Variants in TSC2 observed in about 807,000 individuals in gnomAD.
The protein encoded by TSC2 is tuberin.
TSC2 carries 29 observed loss-of-function variants against 202.2 expected under a neutral mutation model. The observed-to-expected ratio is 0.14, with a 90% CI of 0.11 to 0.20. The LOEUF (loss-of-function observed/expected upper bound fraction) is 0.20, where lower values mean the gene tolerates loss of function less well. Among genes scored for constraint, TSC2 ranks in the 10% least tolerant of loss-of-function variants. TSC2 has a pLI of 1.00. For synonymous variants in TSC2, 1,349 were observed against 1,044.0 expected, an observed-to-expected ratio of 1.29 and a Z score of -5.63; for missense variants, 2,429 against 2,420.0, an observed-to-expected ratio of 1.00 and a Z score of -0.08.
At position 2,064,402 on chromosome 16, in the gene TSC2, A is replaced by G. The variant is rs45457694; in HGVS notation, c.1574A>G (p.Asn525Ser). The change falls in exon 15 of 42, where the codon AAC becomes AGC. Residue 525 changes from asparagine to serine, a missense_variant. Coordinates refer to ENST00000219476, the MANE Select transcript of TSC2 (RefSeq NM_000548.5). ...LAEGCHTHHFNSLLDIIEKVM... is the reference protein window; with the variant it reads ...LAEGCHTHHFSSLLDIIEKVM... ...GAGGGCTGCCACACACACCACTTCA[A>G]CAGCCTGCTGGACATCATCGAGAAG... 53 of 1,613,678 alleles carry G rather than the reference A, an allele frequency of 3.3e-5. No homozygotes were observed. The highest frequency in any genetic ancestry group is 4.0e-5 in the Non-Finnish European group (47 of 1,180,016).
chr16:2,061,039 G>C lies in TSC2; in HGVS notation c.1119+226G>C. On this transcript the variant is annotated intron_variant, in intron 11 of 41. Coordinates refer to ENST00000219476, the MANE Select transcript of TSC2 (RefSeq NM_000548.5). ...AGGCCCCAGACAGGAATATGCAGTA[G>C]GTGAGCCGGGGCTGGGCCAGTGCTG... 3 of 597,710 alleles carry C rather than the reference G, an allele frequency of 5.0e-6. No individual in the cohort carries two copies. The South Asian group carries it at 5.7e-5, about 11-fold the overall frequency. 37.0% of individuals were successfully genotyped at this position (597,710 alleles called of 1,614,324 possible).
Position 2,055,497 on chromosome 16 carries a change from G to C in TSC2, c.577G>C (p.Glu193Gln), listed in dbSNP as rs45517112. ...LVKFNSCYLDEYIARMVQMIC... is the reference protein window; with the variant it reads ...LVKFNSCYLDQYIARMVQMIC... The stretch of plus-strand genomic sequence containing the variant: ...CAAATTCAATAGCTGTTACCTCGAC[G>C]AGTACATCGCAAGGATGGTTCAGTA... The change falls in exon 6 of 42, where the codon GAG becomes CAG. Residue 193 changes from glutamate to glutamine, a missense_variant. By Grantham distance (29) the Glu-to-Gln change is conservative. Coordinates refer to ENST00000219476, the MANE Select transcript of TSC2 (RefSeq NM_000548.5). 1.2e-6 allele frequency: 2 copies of C among 1,614,138 alleles called. No homozygotes were observed. The highest frequency in any genetic ancestry group is 2.2e-5 in the South Asian group (2 of 91,086).
In TSC2 at chr16:2,058,710, C is replaced by A. The variant is rs771221462; in HGVS notation, c.849-37C>A. ...TCCATGGCGGACCCTGGGACAGGGC[C>A]CTGCTCACATTCCGTCTCTCTGGGG... On this transcript the variant is annotated intron_variant, in intron 9 of 41. Coordinates refer to ENST00000219476, the MANE Select transcript of TSC2 (RefSeq NM_000548.5). The A allele has an allele frequency of 2.4e-5, 38 of 1,559,482 alleles. No individual in the cohort carries two copies. The South Asian group carries it at 4.5e-4, about 18-fold the overall frequency.
intron 13 of TSC2, 42 bp from the exon 14 acceptor site, chr16:2,062,930 C>T (rs1567432574): frequency 1.3e-6 from 2 of 1,541,168 alleles, no homozygotes; most frequent in African/African-American, 1.4e-5. Context: ...GGGGCTGTGG[C>T]CGGGCACTCC....
At chr16:2,056,148 C>A (rs772137982) in intron 6 of TSC2, 48 bp from the exon 7 acceptor site, 1 of 1,611,282 alleles carries the variant, frequency 6.2e-7, no homozygotes, top group Admixed American at 1.7e-5. Context: ...CGTGGTGGCT[C>A]GGCCATCCAG....
chr16:2,055,699 T>A (rs1020603580), intron 6 of TSC2, 180 bp downstream of exon 6: 7 of 618,708 alleles, frequency 1.1e-5, no homozygotes, highest in Non-Finnish European at 2.1e-5. Context: ...GAGACCAGCC[T>A]GGCCAACATG....
At chr16:2,077,275 C>T in intron 25 of TSC2, 1 of 390,212 alleles carries the variant, frequency 2.6e-6, no homozygotes. Context: ...GTGGGATTGC[C>T]TGGCCAGCAC....
rs45517422 is a variant in TSC2 at position 2,088,562 on chromosome 16, G to A, written c.5376G>A (p.Gln1792=). ...CCACACCTGGCTATGAGGTGGGCCA[G>A]CGGAAGCGCCTCATCTCCTCGGTGG... ...AEPTPGYEVG[Q]RKRLISSVED... is the part of the protein sequence containing the mutation. The change falls in exon 42 of 42, where the codon CAG becomes CAA. Residue 1792 remains glutamine, a synonymous_variant. Coordinates refer to ENST00000219476, the MANE Select transcript of TSC2 (RefSeq NM_000548.5). 1 of 1,610,700 alleles carries A rather than the reference G, an allele frequency of 6.2e-7. No individual in the cohort carries two copies. The highest frequency in any genetic ancestry group is 8.5e-7 in the Non-Finnish European group (1 of 1,179,934).
rs371514669 is a variant in TSC2, at chr16:2,079,384, A to G, written c.3240A>G (p.Leu1080=). 1.8e-5 allele frequency: 28 copies of G among 1,586,138 alleles called. No homozygotes were observed. Among genetic ancestry groups the G allele is most frequent in the Non-Finnish European group, 2.1e-5 (24 of 1,164,462 alleles). ...TTSVGTGTRS[L]LGLDSGELQS... ...GCGTGGGAACCGGGACCCGGTCGTT[A>G]CTAGGCCTGGACTCGGGGGAGCTGC... Residue 1080 remains leucine (L), a synonymous_variant, in exon 28 of 42, where the codon TTA becomes TTG. Coordinates refer to ENST00000219476, the MANE Select transcript of TSC2 (RefSeq NM_000548.5). The surrounding 1 kb of genome is among the most constrained non-coding windows in gnomAD (Gnocchi z 4.6).
intron 25 of TSC2, 191 bp downstream of exon 25, chr16:2,076,776 C>T: frequency 1.6e-6 from 1 of 631,408 alleles, no homozygotes; most frequent in Non-Finnish European, 2.8e-6. Flanking sequence ...CCGTGGTGGC[C>T]TGGGTCCGGG....
intron 26 of TSC2, 161 bp from the exon 27 acceptor site, chr16:2,078,871 C>T (rs889769904): frequency 2.0e-5 from 17 of 865,544 alleles, no homozygotes; most frequent in African/African-American, 1.2e-4. Context: ...ATGTGGTCCA[C>T]GTGATTCTCA....
Position 2,085,271 on chromosome 16 carries a change from C to T in TSC2, c.4611C>T (p.Ile1537=), listed in dbSNP as rs765688277. The change falls in exon 36 of 42, where the codon ATC becomes ATT. Residue 1537 remains isoleucine (I), a synonymous_variant. Transcript: ENST00000219476. ...FERSVQLLDQ[I]PSYDTHKIAV... ...GGTCGGTGCAGCTCCTCGACCAGAT[C>T]CCATCATACGACACCCACAAGATCG... The T allele has an allele frequency of 1.9e-6, 3 of 1,612,756 alleles. No homozygotes were observed. Among genetic ancestry groups the T allele is most frequent in the Middle Eastern group, 1.6e-4 (1 of 6,062 alleles).
intron 38 of TSC2, among the ~76,000 whole-genome samples, chr16:2,087,608 A>C (rs1326556698): frequency 2.0e-5 from 3 of 151,872 alleles, no homozygotes; most frequent in Non-Finnish European, 4.4e-5. Context: ...TGGGGGCCCC[A>C]GTGAGTGGAG....
chr16:2,076,641 C>A, intron 25 of TSC2, 56 bp downstream of exon 25: 1 of 1,576,340 alleles, frequency 6.3e-7, no homozygotes, highest in South Asian at 1.1e-5. Context: ...GGACATGGGG[C>A]TGTGGCCTGC....
At chr16:2,066,733 T>C (rs1217582515) in intron 16 of TSC2, among the ~76,000 whole-genome samples, 6 of 145,094 alleles carry the variant, frequency 4.1e-5, no homozygotes, top group African/African-American at 1.5e-4. Flanking sequence ...CGATCTTGGC[T>C]CACTGCAACC....
chr16:2,082,344 C>T (rs763500724), intron 31 of TSC2, 92 bp from the exon 32 acceptor site: 31 of 1,472,342 alleles, frequency 2.1e-5, no homozygotes, highest in Non-Finnish European at 2.8e-5. Context: ...CCTGCCCTCT[C>T]TCCTCTGCAG....
At chr16:2,063,242 T>C in intron 14 of TSC2, 189 bp downstream of exon 14, 1 of 714,740 alleles carries the variant, frequency 1.4e-6, no homozygotes. Context: ...TGGGTGCCTC[T>C]GCCAGGCCTT....
In TSC2 at chr16:2,048,148, C is replaced by T. The variant is rs2233517; in HGVS notation, c.-30+83C>T. On this transcript the variant is annotated intron_variant, in intron 1 of 41. Coordinates refer to ENST00000219476, the MANE Select transcript of TSC2 (RefSeq NM_000548.5). ...GGCGGACCCCGCAGTGTCCGGGTCC[C>T]GGGCCCTCACCCGCGCCCACTGCAA... 847 of 1,530,426 alleles carry T rather than the reference C, an allele frequency of 5.5e-4. 4 individuals carry two copies. In the African/African-American group the frequency reaches 0.011, roughly 19 times the overall value. The allele number at this position is 1,530,426 out of a possible 1,614,324, so 94.8% of individuals were successfully genotyped here. A position where few individuals can be genotyped will look rare whatever the true frequency, so the allele number is the denominator to read the frequency against.
chr16:2,077,571 C>T (rs1447872172), intron 25 of TSC2, 27 bp from the exon 26 acceptor site: 1 of 1,612,176 alleles, frequency 6.2e-7, no homozygotes, highest in East Asian at 2.2e-5. Flanking sequence ...CTCTCTGGGG[C>T]GTTGGGGCTC....
Sources: allele counts gnomAD v4.1 joint callset (sites outside exome capture counted in the v4.1 genomes callset), GRCh38; gene constraint gnomAD v4.1.1; non-coding constraint Gnocchi (gnomAD v3.1); transcripts MANE v1.5; gene names NCBI Gene and HGNC (gene_info 2026-07-23, HGNC 2026-07-21).